Variants in BTRC observed in about 807,000 individuals in gnomAD.
BTRC encodes beta-transducin repeat containing E3 ubiquitin protein ligase, also known as F-box/WD repeat-containing protein 1A.
In BTRC, 42 loss-of-function variants were observed where a neutral mutation model predicts 85.5. The ratio of observed to expected loss-of-function variants is 0.49; its 90% CI spans 0.38 to 0.64. The LOEUF (loss-of-function observed/expected upper bound fraction) is 0.64. Among genes scored for constraint, BTRC ranks in the 30% least tolerant of loss-of-function variants. The pLI is 0.00. For synonymous variants in BTRC, 255 were observed against 263.3 expected (o/e 0.97, Z 0.30); for missense variants, 594 against 743.5 (o/e 0.80, Z 2.34).
At chr10:101,385,615 C>CTTTTTTTTTT (rs146804594) in intron 1 of BTRC, among the ~76,000 whole-genome samples, 20 of 48,886 alleles carry the variant, frequency 4.1e-4, no homozygotes, top group South Asian at 6.8e-4. Flanking sequence ...CTTTCTTCTT[C>CTTTTTTTTTT]TTCTTTTTTT....
chr10:101,358,361 T>C (rs895071768), intron 1 of BTRC, among the ~76,000 whole-genome samples: 1 of 152,168 alleles, frequency 6.6e-6, no homozygotes, highest in Non-Finnish European at 1.5e-5. Flanking sequence ...TGCCTTGGCC[T>C]CCCATTGTTG....
chr10:101,469,892 A>G (rs1589511017), intron 3 of BTRC, among the ~76,000 whole-genome samples: 1 of 152,100 alleles, frequency 6.6e-6, no homozygotes, highest in Admixed American at 6.5e-5. Flanking sequence ...AATGTTTGTG[A>G]GATTCCTCTA....
At chr10:101,391,349 G>A (rs1260990225) in intron 1 of BTRC, among the ~76,000 whole-genome samples, 2 of 152,186 alleles carry the variant, frequency 1.3e-5, no homozygotes, top group East Asian at 3.8e-4. Flanking sequence ...ATCTTTGGAA[G>A]TAGAGATCTA....
At chr10:101,448,651 C>G (rs1033751023) in intron 2 of BTRC, among the ~76,000 whole-genome samples, 38 of 152,100 alleles carry the variant, frequency 2.5e-4, no homozygotes, top group African/African-American at 8.9e-4. Flanking sequence ...CATATTTTCT[C>G]TCATTCTAGT....
chr10:101,551,706 A>G (rs1293513433), intron 14 of BTRC, among the ~76,000 whole-genome samples: 1 of 152,186 alleles, frequency 6.6e-6, no homozygotes, highest in African/African-American at 2.4e-5. Flanking sequence ...CTCTCTTTGC[A>G]GTGTTCCGCT....
intron 13 of BTRC, among the ~76,000 whole-genome samples, chr10:101,548,055 A>G (rs966366667): frequency 1.3e-5 from 2 of 152,250 alleles, no homozygotes; most frequent in Admixed American, 1.3e-4. Flanking sequence ...ATACTACTAC[A>G]AACCTACCAA....
At chr10:101,526,347 A>G (rs2062190890) in intron 6 of BTRC, 148 bp downstream of exon 6, 3 of 724,324 alleles carry the variant, frequency 4.1e-6, no homozygotes, top group Non-Finnish European at 6.7e-6. Context: ...CAGAGAACAA[A>G]TGTTCATATA....
At chr10:101,388,067 G>A (rs1457003582) in intron 1 of BTRC, among the ~76,000 whole-genome samples, 1 of 152,098 alleles carries the variant, frequency 6.6e-6, no homozygotes, top group Non-Finnish European at 1.5e-5. Flanking sequence ...AAACCTATTG[G>A]GATTCAGGTT....
intron 13 of BTRC, among the ~76,000 whole-genome samples, chr10:101,549,176 T>G (rs968995246): frequency 6.6e-6 from 1 of 150,648 alleles, no homozygotes; most frequent in African/African-American, 2.4e-5. Flanking sequence ...GGCCCACACC[T>G]ATAATCTCAG....
At chr10:101,513,237 T>G (rs2061979370) in intron 4 of BTRC, among the ~76,000 whole-genome samples, 2 of 152,198 alleles carry the variant, frequency 1.3e-5, no homozygotes, top group Non-Finnish European at 2.9e-5. Context: ...CAAATAAAAT[T>G]CATATTACAG....
At chr10:101,441,900 A>AG (rs2134113372) in intron 2 of BTRC, among the ~76,000 whole-genome samples, 1 of 151,144 alleles carries the variant, frequency 6.6e-6, no homozygotes, top group African/African-American at 2.4e-5. Context: ...AAAAAAAAAA[A>AG]GTGTAATAAG....
intron 1 of BTRC, among the ~76,000 whole-genome samples, chr10:101,395,521 T>C (rs1337008771): frequency 6.6e-6 from 1 of 152,206 alleles, no homozygotes; most frequent in African/African-American, 2.4e-5. Flanking sequence ...TCTTAACATT[T>C]ACAGACCCTT....
At chr10:101,480,515 C>T (rs983058672) in intron 4 of BTRC, among the ~76,000 whole-genome samples, 2 of 152,184 alleles carry the variant, frequency 1.3e-5, no homozygotes, top group Admixed American at 6.5e-5. Flanking sequence ...TCACTGCATC[C>T]TCACATGATA....
chr10:101,473,437 C>CTAT (rs1273844199), intron 3 of BTRC, among the ~76,000 whole-genome samples: 1 of 146,472 alleles, frequency 6.8e-6, no homozygotes, highest in Admixed American at 6.8e-5. Context: ...GTGTGCACCA[C>CTAT]TATACCCAAC....
In BTRC at chr10:101,557,236, CA is replaced by C. The variant is rs2062733188; in HGVS notation, c.*4114del. The stretch of plus-strand genomic sequence containing the variant: ...TACCAATATGTTCACAACCTAGGAT[CA>C]TGATAATGGAGTGTGTTTTGGGTTT... On this transcript the variant is annotated 3_prime_UTR_variant, in exon 15 of 15. Transcript: ENST00000370187. 6.6e-6 allele frequency: 1 copy of C among 152,096 alleles called. No individual in the cohort carries two copies. The highest frequency in any genetic ancestry group is 2.4e-5 in the African/African-American group (1 of 41,402). 9.4% of individuals were successfully genotyped at this position (152,096 alleles called of 1,614,324 possible). A position where few individuals can be genotyped will look rare whatever the true frequency, so the allele number is the denominator to read the frequency against.
chr10:101,522,484 G>T (rs1364739630), intron 5 of BTRC, among the ~76,000 whole-genome samples: 2 of 122,248 alleles, frequency 1.6e-5, no homozygotes, highest in African/African-American at 6.5e-5. Context: ...GCAGTGGCGC[G>T]ATCTCGGCTC....
At chr10:101,474,320 C>T (rs1278884129) in intron 3 of BTRC, among the ~76,000 whole-genome samples, 1 of 152,108 alleles carries the variant, frequency 6.6e-6, no homozygotes, top group Non-Finnish European at 1.5e-5. Flanking sequence ...TTTGGTTTTG[C>T]CCTTAGTCCT....
chr10:101,354,084 G>T (rs556979259), upstream of BTRC: 1 of 1,398,082 alleles, frequency 7.2e-7, no homozygotes, highest in Admixed American at 2.0e-5. Context: ...AGGGCGGGGG[G>T]AAGGAAGAGG....
intron 1 of BTRC, among the ~76,000 whole-genome samples, chr10:101,374,064 G>A (rs1003164683): frequency 1.3e-5 from 2 of 152,152 alleles, no homozygotes; most frequent in African/African-American, 4.8e-5. Context: ...AAGTATCCAT[G>A]ATAAGAGGTT....
Sources: allele counts gnomAD v4.1 joint callset (sites outside exome capture counted in the v4.1 genomes callset), GRCh38; gene constraint gnomAD v4.1.1; transcripts MANE v1.5; gene names NCBI Gene and HGNC (gene_info 2026-07-23, HGNC 2026-07-21).